PAK1: variants seen among roughly 807,000 people sequenced by gnomAD.
PAK1 encodes the protein p21 (RAC1) activated kinase 1.
Under a neutral mutation model 67.4 loss-of-function variants are expected in PAK1, and 29 were observed. That is an observed-to-expected ratio of 0.43 (90% CI 0.32 to 0.59). PAK1 has a LOEUF of 0.59. Ranked by LOEUF, PAK1 falls within the 20% of genes least tolerant of loss-of-function variation. PAK1 has a pLI of 0.07. For synonymous variants in PAK1, 223 were observed against 237.4 expected (o/e 0.94, Z 0.56); for missense variants, 337 against 670.7 (o/e 0.50, Z 5.50).
chr11:77,429,433 T>C (rs1188362917), intron 1 of PAK1, among the ~76,000 whole-genome samples: 1 of 152,146 alleles, frequency 6.6e-6, no homozygotes, highest in Non-Finnish European at 1.5e-5. Context: ...AAAGAGTAAC[T>C]TCACAGTGAA....
intron 5 of PAK1, among the ~76,000 whole-genome samples, chr11:77,373,637 C>T (rs1293081076): frequency 3.5e-5 from 5 of 141,392 alleles, no homozygotes; most frequent in African/African-American, 5.0e-5. Flanking sequence ...CTTTCAAATA[C>T]ATCAACATCA....
intron 1 of PAK1, among the ~76,000 whole-genome samples, chr11:77,400,080 T>C (rs1952462896): frequency 2.0e-5 from 3 of 152,138 alleles, no homozygotes; most frequent in Admixed American, 6.5e-5. Context: ...GCTTGAACTC[T>C]ACCCCTAGAG....
chr11:77,341,771 A>C (rs1943640762), intron 10 of PAK1, among the ~76,000 whole-genome samples: 1 of 152,222 alleles, frequency 6.6e-6, no homozygotes, highest in South Asian at 2.1e-4. Flanking sequence ...GATATTGGGA[A>C]TACTGCTGGA....
intron 1 of PAK1, among the ~76,000 whole-genome samples, chr11:77,434,691 T>C (rs1397364038): frequency 6.6e-5 from 10 of 152,022 alleles, no homozygotes. Context: ...TGATGTCTGC[T>C]CACTGCAACC....
chr11:77,471,443 A>G (rs1957849087), intron 1 of PAK1, among the ~76,000 whole-genome samples: 1 of 152,224 alleles, frequency 6.6e-6, no homozygotes, highest in Non-Finnish European at 1.5e-5. Context: ...TAAAAGTGGT[A>G]TGTACATGAG....
chr11:77,336,300 GAGAA>G lies in PAK1; in HGVS notation c.1217-22_1217-19del, dbSNP rs780365101. The G allele has an allele frequency of 6.3e-6, 10 of 1,584,498 alleles. No individual in the cohort carries two copies. The highest frequency in any genetic ancestry group is 2.2e-5 in the South Asian group (2 of 90,098). On this transcript the variant is annotated intron_variant, in intron 12 of 14. Coordinates refer to ENST00000356341, the MANE Select transcript of PAK1 (RefSeq NM_002576.5). ...AAAGTCAGCTAGAAAAGAAAAATAA[GAGAA>G]AGAACATACATTTAGGATATACACT... is the stretch of plus-strand genomic sequence containing the variant.
intron 14 of PAK1, among the ~76,000 whole-genome samples, chr11:77,332,222 C>G (rs2136105035): frequency 7.0e-6 from 1 of 143,266 alleles, no homozygotes; most frequent in Non-Finnish European, 1.5e-5. Flanking sequence ...GTGGGAAGAT[C>G]ACTTGAGTGA....
intron 7 of PAK1, among the ~76,000 whole-genome samples, chr11:77,354,248 G>A (rs532826535): frequency 1.2e-4 from 18 of 152,226 alleles, no homozygotes; most frequent in African/African-American, 3.4e-4. Context: ...AAGGGAAGAA[G>A]ATACTTCCCC....
the PAK1 span, among the ~76,000 whole-genome samples, chr11:77,489,606 G>A: frequency 2.0e-5 from 3 of 152,076 alleles, no homozygotes; most frequent in African/African-American, 7.3e-5. Flanking sequence ...GCGCCGCCAC[G>A]CCTGACTGGT....
the PAK1 span, among the ~76,000 whole-genome samples, chr11:77,510,986 G>C: frequency 6.6e-6 from 1 of 152,176 alleles, no homozygotes; most frequent in Non-Finnish European, 1.5e-5. Context: ...GAGAAGGTGG[G>C]CAAAGAAGAG....
intron 12 of PAK1, 64 bp from the exon 13 acceptor site, chr11:77,336,346 G>C: frequency 7.9e-7 from 1 of 1,263,756 alleles, no homozygotes; most frequent in South Asian, 1.3e-5. Context: ...AGTAAGTGTT[G>C]ACTGTGTACC....
At chr11:77,455,942 T>C (rs931776108) in intron 1 of PAK1, 2 of 152,092 alleles carry the variant, frequency 1.3e-5, no homozygotes, top group African/African-American at 2.4e-5. Context: ...TGTCATCTGG[T>C]AGAAAGGGAC....
rs114485245 is a variant in PAK1, at chr11:77,395,920, T to C, written c.-21-3379A>G. Among the ~76,000 whole-genome samples, 513 of 152,322 alleles carry C rather than the reference T, an allele frequency of 3.4e-3. 2 individuals carry two copies. Among genetic ancestry groups the C allele is most frequent in the African/African-American group, 0.012 (498 of 41,568 alleles). On this transcript the variant is annotated intron_variant, in intron 1 of 14. Coordinates refer to ENST00000356341, the MANE Select transcript of PAK1 (RefSeq NM_002576.5). ...CCCTCAGCTCCCGCAAGAGAACTTT[T>C]ACTGTCTCAGTTCTCAAGTGTACCT...
chr11:77,449,685 T>C (rs1956770182), intron 1 of PAK1, among the ~76,000 whole-genome samples: 2 of 118,978 alleles, frequency 1.7e-5, no homozygotes, highest in East Asian at 2.2e-4. Context: ...TTTTCAATCC[T>C]ATAGGTAAAA....
At chr11:77,506,715 G>A in the PAK1 span, among the ~76,000 whole-genome samples, 1 of 152,046 alleles carries the variant, frequency 6.6e-6, no homozygotes, top group Non-Finnish European at 1.5e-5. Flanking sequence ...ACATATGGTG[G>A]TTTATTTATT....
intron 2 of PAK1, among the ~76,000 whole-genome samples, chr11:77,388,260 T>C (rs1592163139): frequency 6.6e-6 from 1 of 152,364 alleles, no homozygotes; most frequent in East Asian, 1.9e-4. Context: ...ATAAAGTACT[T>C]TACAATGGCC....
chr11:77,486,967 G>C, the PAK1 span, among the ~76,000 whole-genome samples: 4 of 152,188 alleles, frequency 2.6e-5, no homozygotes, highest in African/African-American at 9.7e-5. Flanking sequence ...ACACTGGCCA[G>C]GGTAACCAAG....
the PAK1 span, among the ~76,000 whole-genome samples, chr11:77,504,181 C>T: frequency 2.0e-5 from 3 of 152,234 alleles, no homozygotes; most frequent in African/African-American, 7.2e-5. Flanking sequence ...GCGTGAGCCA[C>T]TGCACCCGGC....
At chr11:77,454,051 G>A (rs745390995) in intron 1 of PAK1, among the ~76,000 whole-genome samples, 26 of 152,194 alleles carry the variant, frequency 1.7e-4, no homozygotes, top group Non-Finnish European at 2.6e-4. Flanking sequence ...GTGACAGAGC[G>A]AGACCTTGTC....
Sources: allele counts gnomAD v4.1 joint callset (sites outside exome capture counted in the v4.1 genomes callset), GRCh38; gene constraint gnomAD v4.1.1; transcripts MANE v1.5; gene names NCBI Gene and HGNC (gene_info 2026-07-23, HGNC 2026-07-21).